GANC: variants seen among roughly 807,000 people sequenced by gnomAD.
The protein encoded by GANC is neutral alpha-glucosidase C.
In GANC, 117 loss-of-function variants were observed where a neutral mutation model predicts 124.2. The ratio of observed to expected loss-of-function variants is 0.94; its 90% CI spans 0.81 to 1.10. The LOEUF is 1.10. GANC is among the 50% of genes least tolerant of loss of function. GANC has a pLI of 0.00. For missense variants in GANC, 1,140 were observed against 1,095.0 expected, an observed-to-expected ratio of 1.04 and a Z score of -0.58; for synonymous variants, 377 against 376.8, an observed-to-expected ratio of 1.00 and a Z score of -0.01.
Position 42,322,012 on chromosome 15 carries a change from A to G in GANC, c.1285A>G (p.Lys429Glu). Residue 429 changes from lysine (K) to glutamate (E), a missense_variant, in exon 11 of 24, where the codon AAG (lysine) becomes GAG (glutamate). Transcript: ENST00000318010. ...GATGCAAGAGCTGCTCAGGAGCAAAAAGCGTAAGGTAAAATAAGCCAACAT... is the reference window on the plus strand; with the variant it reads ...GATGCAAGAGCTGCTCAGGAGCAAAGAGCGTAAGGTAAAATAAGCCAACAT... ...KRMQELLRSK[K>E]RKLVVISDPH... 6.2e-7 allele frequency: 1 copy of G among 1,610,384 alleles called. No individual in the cohort carries two copies. Among genetic ancestry groups the G allele is most frequent in the Admixed American group, 1.7e-5 (1 of 59,336 alleles).
At chr15:42,349,698 A>G (rs2052406097) in intron 22 of GANC, among the ~76,000 whole-genome samples, 1 of 151,900 alleles carries the variant, frequency 6.6e-6, no homozygotes, top group Admixed American at 6.6e-5. Context: ...CTCAGACTAG[A>G]GTGCAGTGGC....
intron 22 of GANC, 59 bp from the exon 23 acceptor site, chr15:42,351,270 C>T (rs377408608): frequency 8.5e-7 from 1 of 1,173,494 alleles, no homozygotes; most frequent in Admixed American, 1.7e-5. Context: ...AGATGTTGAG[C>T]TGGTGGCCAC....
chr15:42,322,321 A>G (rs940471439), intron 11 of GANC, among the ~76,000 whole-genome samples: 2 of 152,162 alleles, frequency 1.3e-5, no homozygotes, highest in African/African-American at 2.4e-5. Context: ...TTTAGTTTCC[A>G]TGTCTCAATT....
At chr15:42,294,828 A>T (rs1177615491) in intron 5 of GANC, among the ~76,000 whole-genome samples, 1 of 151,344 alleles carries the variant, frequency 6.6e-6, no homozygotes, top group Non-Finnish European at 1.5e-5. Flanking sequence ...CTATTGAGGG[A>T]TTTAAAGTTG....
At chr15:42,284,972 A>T (rs900060539) in intron 3 of GANC, among the ~76,000 whole-genome samples, 1 of 152,230 alleles carries the variant, frequency 6.6e-6, no homozygotes, top group African/African-American at 2.4e-5. Context: ...CAATTTAAGC[A>T]GTCCAGCATC....
rs142011656 is a variant in GANC at position 42,282,925 on chromosome 15, G to A, written c.201+4335G>A. Among the ~76,000 whole-genome samples, 1,190 of 152,294 alleles carry A rather than the reference G, an allele frequency of 7.8e-3. 14 individuals are homozygous for A. The highest frequency in any genetic ancestry group is 0.027 in the African/African-American group (1,135 of 41,552). ...TCTTCTTGTGCCCTCGCATAGTGGA[G>A]AGAGAGTGTGTACACAAGCTCTCCC... On this transcript the variant is annotated intron_variant, in intron 3 of 23. Coordinates refer to ENST00000318010, the MANE Select transcript of GANC (RefSeq NM_198141.3).
rs763975320 is a variant in GANC at position 42,349,381 on chromosome 15, A to G, written c.2419-2A>G. ...ATTCTGTCTCTGTGATTCATTCTCC[A>G]GGGTTCTTCAGTGGGTGAGTTATAT... On this transcript the variant is annotated splice_acceptor_variant, in intron 21 of 23. Transcript: ENST00000318010. LOFTEE classifies it high-confidence loss of function. The G allele has an allele frequency of 1.3e-6, 2 of 1,568,724 alleles. No homozygotes were observed. Among genetic ancestry groups the G allele is most frequent in the Non-Finnish European group, 1.8e-6 (2 of 1,138,926 alleles).
chr15:42,304,026 C>T (rs1457624577), intron 6 of GANC, among the ~76,000 whole-genome samples: 1 of 152,200 alleles, frequency 6.6e-6, no homozygotes, highest in Non-Finnish European at 1.5e-5. Flanking sequence ...CTGCAGAACT[C>T]TCCACCCTAA....
chr15:42,313,927 A>G (rs1021230840), intron 10 of GANC: 10 of 609,286 alleles, frequency 1.6e-5, no homozygotes, highest in South Asian at 9.9e-5. Flanking sequence ...TCTCCCGCCT[A>G]GACAACAGAG....
intron 18 of GANC, among the ~76,000 whole-genome samples, chr15:42,341,483 G>C (rs910518472): frequency 8.6e-5 from 13 of 151,850 alleles, no homozygotes; most frequent in Non-Finnish European, 1.9e-4. Context: ...CCAGAACATA[G>C]AATTTTACCA....
intron 4 of GANC, among the ~76,000 whole-genome samples, chr15:42,291,214 A>C (rs1448841436): frequency 6.6e-6 from 1 of 152,220 alleles, no homozygotes; most frequent in Non-Finnish European, 1.5e-5. Flanking sequence ...CTAGACCAGA[A>C]AGAAGGAACT....
intron 10 of GANC, chr15:42,314,199 T>G: frequency 1.3e-6 from 1 of 757,354 alleles, no homozygotes; most frequent in Admixed American, 1.7e-5. Flanking sequence ...CAGAAAATAT[T>G]CCCCACAAGG....
intron 15 of GANC, among the ~76,000 whole-genome samples, chr15:42,331,794 TA>T (rs1480804151): frequency 3.2e-4 from 48 of 152,204 alleles, no homozygotes; most frequent in Non-Finnish European, 4.3e-4. Flanking sequence ...TATTTATGTT[TA>T]AAAAATTTTT....
At chr15:42,329,260 A>G (rs1188709162) in intron 13 of GANC, 46 bp from the exon 14 acceptor site, 3 of 1,575,402 alleles carry the variant, frequency 1.9e-6, no homozygotes, top group Non-Finnish European at 2.6e-6. Context: ...GCTATTATAT[A>G]GACATCATCA....
intron 22 of GANC, among the ~76,000 whole-genome samples, chr15:42,350,729 T>A (rs2412706): frequency 0.097 from 14,660 of 151,302 alleles, 862 homozygotes; most frequent in South Asian, 0.18. Context: ...ATTTTTTGTA[T>A]TTTTTTAGTA....
In GANC at chr15:42,273,703, C is replaced by A; in HGVS notation, c.-779C>A. On this transcript the variant is annotated 5_prime_UTR_variant, in exon 1 of 24. Coordinates refer to ENST00000318010, the MANE Select transcript of GANC (RefSeq NM_198141.3). Reference sequence around the variant, plus strand: ...AAAGGTTTTAGGACCAGGCAGGCACCCCGTGCAGGATTTGGCTCTCTACTT... The same window carrying A: ...AAAGGTTTTAGGACCAGGCAGGCACACCGTGCAGGATTTGGCTCTCTACTT... 2.7e-6 allele frequency: 1 copy of A among 375,860 alleles called. No individual in the cohort carries two copies. Among genetic ancestry groups the A allele is most frequent in the Non-Finnish European group, 5.0e-6 (1 of 199,022 alleles). 23.3% of individuals were successfully genotyped at this position (375,860 alleles called of 1,614,324 possible).
At chr15:42,287,934 T>A (rs2051806951) in intron 4 of GANC, 116 bp downstream of exon 4, 1 of 1,014,162 alleles carries the variant, frequency 9.9e-7, no homozygotes, top group Admixed American at 2.7e-5. Context: ...ACTACAGTCA[T>A]TTAGGTTGGT....
At chr15:42,293,148 C>T (rs2141027382) in intron 5 of GANC, among the ~76,000 whole-genome samples, 1 of 152,310 alleles carries the variant, frequency 6.6e-6, no homozygotes, top group African/African-American at 2.4e-5. Flanking sequence ...CTGTGTGTAA[C>T]TGATGGCATT....
At chr15:42,285,205 G>A (rs747352948) in intron 3 of GANC, among the ~76,000 whole-genome samples, 1 of 152,200 alleles carries the variant, frequency 6.6e-6, no homozygotes, top group Admixed American at 6.5e-5. Flanking sequence ...GATTGGGAAA[G>A]AACTGGCAGT....
Sources: gnomAD v4.1 joint callset for allele counts (sites outside exome capture counted in the v4.1 genomes callset) on GRCh38, gnomAD v4.1.1 for gene constraint, MANE v1.5 for transcripts, NCBI Gene and HGNC (gene_info 2026-07-23, HGNC 2026-07-21) for gene names.